FBN1: variants seen among roughly 807,000 people sequenced by gnomAD.
FBN1 encodes fibrillin 1, also known as fibrillin-1.
In FBN1, 29 loss-of-function variants were observed where a neutral mutation model predicts 365.1. The ratio of observed to expected loss-of-function variants is 0.08; its 90% CI spans 0.06 to 0.11. The LOEUF is 0.11. Ranked by LOEUF, FBN1 falls within the 10% of genes least tolerant of loss-of-function variation. The pLI, the probability that FBN1 is intolerant of heterozygous loss-of-function variation, is 1.00. For synonymous variants in FBN1, 1,210 were observed against 1,270.5 expected (o/e 0.95, Z 1.01); for missense variants, 2,476 against 3,703.2 (o/e 0.67, Z 8.60).
intron 6 of FBN1, among the ~76,000 whole-genome samples, chr15:48,547,154 A>C (rs2141369142): frequency 6.6e-6 from 1 of 152,198 alleles, no homozygotes; most frequent in Middle Eastern, 3.4e-3. Context: ...CTTTTTTATA[A>C]ATTTCTTTTC....
At chr15:48,485,247 G>A (rs1386102092) in intron 30 of FBN1, 127 bp downstream of exon 30, 1 of 1,201,290 alleles carries the variant, frequency 8.3e-7, no homozygotes. Context: ...CTTGATTAAG[G>A]ATACAGTTAA....
At chr15:48,461,247 C>T (rs1353524727) in intron 42 of FBN1, among the ~76,000 whole-genome samples, 1 of 152,098 alleles carries the variant, frequency 6.6e-6, no homozygotes, top group African/African-American at 2.4e-5. Context: ...TAATGAAAAG[C>T]CATGACTGAA....
intron 30 of FBN1, among the ~76,000 whole-genome samples, 176 bp from the exon 31 acceptor site, chr15:48,484,119 G>A (rs1423834283): frequency 2.6e-5 from 4 of 152,030 alleles, no homozygotes; most frequent in Admixed American, 2.6e-4. Flanking sequence ...TGGTAAAAAA[G>A]GAAAAAATAT....
At chr15:48,473,673 G>T (rs1355218285) in intron 34 of FBN1, among the ~76,000 whole-genome samples, 1 of 152,112 alleles carries the variant, frequency 6.6e-6, no homozygotes, top group Non-Finnish European at 1.5e-5. Context: ...TAATGATGAT[G>T]ATGATGGCCT....
At chr15:48,585,395 G>A (rs556756110) in intron 6 of FBN1, among the ~76,000 whole-genome samples, 8 of 152,322 alleles carry the variant, frequency 5.3e-5, no homozygotes, top group African/African-American at 1.9e-4. Flanking sequence ...TGGCAGGAAA[G>A]TTGGAGAACA....
At chr15:48,516,399 G>C (rs1566917082) in intron 10 of FBN1, 37 bp from the exon 11 acceptor site, 2 of 1,602,916 alleles carry the variant, frequency 1.2e-6, no homozygotes, top group Admixed American at 1.7e-5. Context: ...CAACAGCTGA[G>C]CTGTAGCTTA....
At chr15:48,570,477 A>T (rs1407776270) in intron 6 of FBN1, among the ~76,000 whole-genome samples, 1 of 152,134 alleles carries the variant, frequency 6.6e-6, no homozygotes, top group Admixed American at 6.5e-5. Context: ...TTTGAAAAAA[A>T]AAAAAGGGAG....
At chr15:48,465,452 G>T in intron 40 of FBN1, 116 bp downstream of exon 40, 3 of 1,193,856 alleles carry the variant, frequency 2.5e-6, no homozygotes, top group Non-Finnish European at 2.5e-6. Flanking sequence ...GGCTATGTTC[G>T]TGTTTAGAAC....
chr15:48,499,080 A>G (rs1340696971), intron 17 of FBN1, 42 bp from the exon 18 acceptor site: 7 of 1,594,268 alleles, frequency 4.4e-6, no homozygotes, highest in South Asian at 1.1e-5. Context: ...CCTTGTTTGC[A>G]GAACAGGTAG....
rs5812456 is a variant in FBN1 at position 48,605,212 on chromosome 15, T to TG, written c.347-4979dup. Among the ~76,000 whole-genome samples the TG allele has an allele frequency of 0.015, 2,283 of 152,158 alleles. 196 individuals carry two copies. In the East Asian group the frequency reaches 0.23, roughly 16 times the overall value. On this transcript the variant is annotated intron_variant, in intron 4 of 65. Coordinates refer to ENST00000316623, the MANE Select transcript of FBN1 (RefSeq NM_000138.5). ...TAGCTAAAACAAAAAAAGGATAAAG[T>TG]GGGGAAGATCTGCCTACCCATCTGG... is the stretch of plus-strand genomic sequence containing the variant.
intron 2 of FBN1, among the ~76,000 whole-genome samples, chr15:48,614,724 A>G (rs1226554044): frequency 6.6e-6 from 1 of 152,206 alleles, no homozygotes; most frequent in Non-Finnish European, 1.5e-5. Context: ...GTGTGAGCTC[A>G]GTATATTTCT....
intron 6 of FBN1, among the ~76,000 whole-genome samples, chr15:48,539,653 T>C (rs1281421178): frequency 6.6e-6 from 1 of 152,110 alleles, no homozygotes; most frequent in Non-Finnish European, 1.5e-5. Context: ...AGGTCAAAAA[T>C]TGTGTGAGTG....
chr15:48,483,102 A>T (rs1019862576), intron 31 of FBN1, among the ~76,000 whole-genome samples: 8 of 152,234 alleles, frequency 5.3e-5, no homozygotes, highest in African/African-American at 1.9e-4. Flanking sequence ...ATCAAAAATT[A>T]CCAGTCACTC....
intron 62 of FBN1, 52 bp from the exon 63 acceptor site, chr15:48,420,858 G>T: frequency 6.2e-7 from 1 of 1,608,084 alleles, no homozygotes. Context: ...TCTCTCTGAA[G>T]CCAGATGGAT....
chr15:48,561,572 C>G (rs1014438397), intron 6 of FBN1, among the ~76,000 whole-genome samples: 4 of 152,230 alleles, frequency 2.6e-5, no homozygotes, highest in East Asian at 1.9e-4. Context: ...TACTAAATAT[C>G]AATTCAAGCT....
Position 48,456,777 on chromosome 15 carries a change from G to T in FBN1, c.5297-15C>A. The stretch of plus-strand genomic sequence containing the variant: ...CTCATCAATATCTAGAGACAGAGTA[G>T]TCATTCATGAGTGACAGGACAGCAC... On this transcript the variant is annotated splice_polypyrimidine_tract_variant and intron_variant, in intron 43 of 65. Coordinates refer to ENST00000316623, the MANE Select transcript of FBN1 (RefSeq NM_000138.5). 6.2e-7 allele frequency: 1 copy of T among 1,611,716 alleles called. No homozygotes were observed. The highest frequency in any genetic ancestry group is 2.2e-5 in the East Asian group (1 of 44,762).
At chr15:48,446,963 G>C (rs1301853870) in intron 46 of FBN1, 141 bp from the exon 47 acceptor site, 2 of 661,684 alleles carry the variant, frequency 3.0e-6, no homozygotes, top group Admixed American at 4.4e-5. Flanking sequence ...ATCAGCTCCA[G>C]CAGCAGTCAT....
chr15:48,465,406 T>C (rs2043312473), intron 40 of FBN1, among the ~76,000 whole-genome samples, 162 bp downstream of exon 40: 1 of 152,244 alleles, frequency 6.6e-6, no homozygotes, highest in Non-Finnish European at 1.5e-5. Flanking sequence ...TTGAGTAACA[T>C]TAGTCCAAAT....
chr15:48,430,603 G>A, intron 56 of FBN1, 68 bp downstream of exon 56: 2 of 1,588,318 alleles, frequency 1.3e-6, no homozygotes, highest in South Asian at 2.2e-5. Flanking sequence ...AGAACTCAGA[G>A]CCCAGGTTCC....
Sources: allele counts gnomAD v4.1 joint callset (sites outside exome capture counted in the v4.1 genomes callset), GRCh38; gene constraint gnomAD v4.1.1; transcripts MANE v1.5; gene names NCBI Gene and HGNC (gene_info 2026-07-23, HGNC 2026-07-21).